Variants in BAZ2B observed in about 807,000 individuals in gnomAD.
BAZ2B encodes bromodomain adjacent to zinc finger domain protein 2B.
In BAZ2B, 91 loss-of-function variants were observed where a neutral mutation model predicts 246.0. The ratio of observed to expected loss-of-function variants is 0.37; its 90% CI spans 0.31 to 0.44. The LOEUF (loss-of-function observed/expected upper bound fraction) is 0.44, where lower values mean the gene tolerates loss of function less well. BAZ2B is among the 20% of genes least tolerant of loss of function. The pLI, the probability that BAZ2B is intolerant of heterozygous loss-of-function variation, is 1.00. For missense variants in BAZ2B, 2,332 were observed against 2,533.7 expected (o/e 0.92, Z 1.71); for synonymous variants, 855 against 860.0 (o/e 0.99, Z 0.10).
the BAZ2B span, among the ~76,000 whole-genome samples, chr2:159,702,172 T>G: frequency 2.0e-5 from 3 of 152,232 alleles, no homozygotes; most frequent in Admixed American, 2.0e-4. Context: ...AAGCAAGATG[T>G]AAAAGCTTCT....
the BAZ2B span, among the ~76,000 whole-genome samples, chr2:159,654,776 G>A: frequency 6.6e-6 from 1 of 151,918 alleles, no homozygotes; most frequent in African/African-American, 2.4e-5. Context: ...ACCAGCCTGG[G>A]CAACATGGTG....
rs370715005 is a variant in BAZ2B at position 159,339,214 on chromosome 2, G to A, written c.5455-1442C>T. 1.0e-3 allele frequency among the ~76,000 whole-genome samples: 152 copies of A among 151,834 alleles called. 1 individual carries two copies. The highest frequency in any genetic ancestry group is 5.2e-3 in the South Asian group (25 of 4,806). ...AGTTCCTGCCTCCAATGCCCTCCCCGTCCCTGCCGCCAACCACTCAGAAAA... is the reference window on the plus strand; with the variant it reads ...AGTTCCTGCCTCCAATGCCCTCCCCATCCCTGCCGCCAACCACTCAGAAAA... On this transcript the variant is annotated intron_variant, in intron 31 of 36. Transcript: ENST00000392783.
chr2:159,511,303 A>C (rs2151185828), intron 2 of BAZ2B, among the ~76,000 whole-genome samples: 1 of 152,202 alleles, frequency 6.6e-6, no homozygotes, highest in East Asian at 1.9e-4. Context: ...TCCTGGGTTC[A>C]AGTGATTCTC....
the BAZ2B span, among the ~76,000 whole-genome samples, chr2:159,624,385 G>A: frequency 2.0e-4 from 30 of 152,356 alleles, no homozygotes; most frequent in Non-Finnish European, 3.7e-4. Flanking sequence ...TGACCCCTGT[G>A]CCTCCTGATG....
At chr2:159,582,762 C>T (rs1291408186) in intron 1 of BAZ2B, among the ~76,000 whole-genome samples, 1 of 152,130 alleles carries the variant, frequency 6.6e-6, no homozygotes, top group Non-Finnish European at 1.5e-5. Context: ...TAACACATTT[C>T]TTCTAATACA....
chr2:159,663,335 G>C, the BAZ2B span, among the ~76,000 whole-genome samples: 2 of 151,568 alleles, frequency 1.3e-5, no homozygotes, highest in South Asian at 4.2e-4. Flanking sequence ...CCAAGTAGCT[G>C]GGATTACAGG....
intron 13 of BAZ2B, among the ~76,000 whole-genome samples, chr2:159,422,243 A>G (rs1255113504): frequency 1.3e-5 from 2 of 152,234 alleles, no homozygotes; most frequent in Admixed American, 6.5e-5. Flanking sequence ...AGAAAAAACT[A>G]TTCTAAAATT....
At chr2:159,407,577 T>C (rs987803719) in intron 14 of BAZ2B, among the ~76,000 whole-genome samples, 5 of 152,206 alleles carry the variant, frequency 3.3e-5, no homozygotes, top group African/African-American at 1.2e-4. Context: ...CGTAACCATA[T>C]GTCCTCATAA....
chr2:159,550,580 GA>G (rs1279136926), intron 2 of BAZ2B, among the ~76,000 whole-genome samples: 3 of 151,540 alleles, frequency 2.0e-5, no homozygotes, highest in East Asian at 3.9e-4. Flanking sequence ...TGATATACCG[GA>G]AAAAAAATTA....
At chr2:159,646,303 G>A in the BAZ2B span, among the ~76,000 whole-genome samples, 3 of 152,306 alleles carry the variant, frequency 2.0e-5, no homozygotes, top group East Asian at 5.8e-4. Flanking sequence ...CCGGCAGTCA[G>A]AGTTTAAGGT....
At chr2:159,660,418 A>T in the BAZ2B span, among the ~76,000 whole-genome samples, 1 of 152,162 alleles carries the variant, frequency 6.6e-6, no homozygotes, top group African/African-American at 2.4e-5. Context: ...CTGCATGAAC[A>T]TTAATCTGTG....
At chr2:159,501,138 TTTA>T (rs2081682135) in intron 2 of BAZ2B, among the ~76,000 whole-genome samples, 1 of 76,736 alleles carries the variant, frequency 1.3e-5, no homozygotes, top group Non-Finnish European at 2.3e-5. Context: ...ATATATATAT[TTTA>T]TATATATAAT....
intron 27 of BAZ2B, among the ~76,000 whole-genome samples, chr2:159,370,608 G>T (rs188042248): frequency 6.6e-6 from 1 of 151,904 alleles, no homozygotes; most frequent in Non-Finnish European, 1.5e-5. Flanking sequence ...TCCTGACCTC[G>T]TGATCCGCCC....
chr2:159,509,954 T>C (rs2082745747), intron 2 of BAZ2B, among the ~76,000 whole-genome samples: 3 of 151,876 alleles, frequency 2.0e-5, no homozygotes, highest in African/African-American at 7.3e-5. Context: ...TATACATATA[T>C]CTATAAAATG....
the BAZ2B span, among the ~76,000 whole-genome samples, chr2:159,708,746 T>A: frequency 6.6e-6 from 1 of 152,136 alleles, no homozygotes; most frequent in African/African-American, 2.4e-5. Flanking sequence ...GGCTAATTTT[T>A]AAAATTTTTT....
chr2:159,387,259 T>C (rs2062755474), intron 21 of BAZ2B, among the ~76,000 whole-genome samples: 1 of 152,144 alleles, frequency 6.6e-6, no homozygotes, highest in Admixed American at 6.6e-5. Flanking sequence ...TTAGCTTCAG[T>C]ATTAAAATTA....
At chr2:159,343,255 C>G (rs531770803) in intron 31 of BAZ2B, among the ~76,000 whole-genome samples, 5 of 152,012 alleles carry the variant, frequency 3.3e-5, no homozygotes, top group Non-Finnish European at 5.9e-5. Context: ...TTATCCTATA[C>G]AAAAATAACT....
chr2:159,612,916 A>C (rs1456167186), intron 1 of BAZ2B, among the ~76,000 whole-genome samples: 1 of 152,198 alleles, frequency 6.6e-6, no homozygotes, highest in African/African-American at 2.4e-5. Flanking sequence ...CAACAGAATT[A>C]AAATTCTAAG....
chr2:159,359,146 C>CA (rs1448875425), intron 27 of BAZ2B, among the ~76,000 whole-genome samples: 7 of 151,976 alleles, frequency 4.6e-5, no homozygotes, highest in Non-Finnish European at 4.4e-5. Context: ...AAAGGCCCTT[C>CA]AAAAAATCAA....
Sources: gnomAD v4.1 joint callset for allele counts (sites outside exome capture counted in the v4.1 genomes callset) on GRCh38, gnomAD v4.1.1 for gene constraint, MANE v1.5 for transcripts, NCBI Gene and HGNC (gene_info 2026-07-23, HGNC 2026-07-21) for gene names.